The following DTNB variants were observed in gnomAD, a reference collection of about 807,000 sequenced individuals.
DTNB encodes dystrobrevin beta.
A neutral mutation model predicts 90.7 loss-of-function variants in DTNB; 63 were observed. That is an observed-to-expected ratio of 0.69 (90% CI 0.57 to 0.86). DTNB has a LOEUF of 0.86. DTNB is among the 40% of genes least tolerant of loss of function. DTNB has a pLI of 0.00. For synonymous variants in DTNB, 277 were observed against 286.7 expected (o/e 0.97, Z 0.34); for missense variants, 744 against 807.1 (o/e 0.92, Z 0.95).
At chr2:25,506,217 A>G (rs190163776) in intron 9 of DTNB, among the ~76,000 whole-genome samples, 1 of 152,326 alleles carries the variant, frequency 6.6e-6, no homozygotes, top group African/African-American at 2.4e-5. Flanking sequence ...ACAAGTTCCA[A>G]TGTTCAACAG....
intron 10 of DTNB, among the ~76,000 whole-genome samples, chr2:25,472,942 C>T (rs980879239): frequency 2.0e-5 from 3 of 152,154 alleles, no homozygotes; most frequent in Non-Finnish European, 4.4e-5. Context: ...CTCAAGTACT[C>T]GACAGACACA....
intron 12 of DTNB, among the ~76,000 whole-genome samples, chr2:25,437,844 T>C (rs1490211081): frequency 6.6e-6 from 1 of 152,186 alleles, no homozygotes; most frequent in Non-Finnish European, 1.5e-5. Flanking sequence ...CAGTTAGGGA[T>C]GTTCTGGTGA....
intron 9 of DTNB, among the ~76,000 whole-genome samples, chr2:25,490,450 T>C (rs2067159048): frequency 6.6e-6 from 1 of 152,160 alleles, no homozygotes; most frequent in Non-Finnish European, 1.5e-5. Flanking sequence ...TGGCAATATG[T>C]CCATCAAAGA....
chr2:25,646,916 G>A (rs1460940747), intron 2 of DTNB, among the ~76,000 whole-genome samples: 2 of 152,100 alleles, frequency 1.3e-5, no homozygotes, highest in African/African-American at 4.8e-5. Flanking sequence ...TTTGTCAACA[G>A]AAAATATGAA....
intron 10 of DTNB, among the ~76,000 whole-genome samples, chr2:25,468,796 G>C (rs34466502): frequency 0.38 from 57,793 of 151,984 alleles, 11,545 homozygotes; most frequent in Middle Eastern, 0.46. Flanking sequence ...TTAGAAAACA[G>C]ATATAAACTC....
At chr2:25,535,485 T>C (rs2079350219) in intron 8 of DTNB, among the ~76,000 whole-genome samples, 1 of 127,334 alleles carries the variant, frequency 7.9e-6, no homozygotes, top group Non-Finnish European at 1.6e-5. Flanking sequence ...CCCCACTTCC[T>C]CCCAGACAGG....
At chr2:25,394,910 T>C (rs1442465372) in intron 16 of DTNB, among the ~76,000 whole-genome samples, 1 of 152,188 alleles carries the variant, frequency 6.6e-6, no homozygotes, top group African/African-American at 2.4e-5. Flanking sequence ...TAAGTCATTA[T>C]ACAAAAAAGA....
intron 8 of DTNB, among the ~76,000 whole-genome samples, chr2:25,547,934 C>T (rs781059548): frequency 2.6e-5 from 4 of 151,988 alleles, no homozygotes; most frequent in African/African-American, 4.8e-5. Context: ...TTAGGTCTTC[C>T]GATTTATCAG....
intron 2 of DTNB, among the ~76,000 whole-genome samples, chr2:25,649,466 G>T (rs928549113): frequency 1.3e-5 from 2 of 152,180 alleles, no homozygotes; most frequent in African/African-American, 4.8e-5. Flanking sequence ...TGTAATCCCA[G>T]CGTTTTGGGA....
Position 25,517,104 on chromosome 2 carries a change from G to A in DTNB, c.1001+14369C>T, listed in dbSNP as rs188079663. Among the ~76,000 whole-genome samples, 236 of 152,188 alleles carry A rather than the reference G, an allele frequency of 1.6e-3. 1 individual carries two copies. Among genetic ancestry groups the A allele is most frequent in the African/African-American group, 5.4e-3 (223 of 41,508 alleles). On this transcript the variant is annotated intron_variant, in intron 9 of 20. Coordinates refer to ENST00000406818, the MANE Select transcript of DTNB (RefSeq NM_021907.5). ...CAAAATGTGATCTATTCATGCAAAGGATATTTTCAACATTAAAAAGAATGA... is the reference window on the plus strand; with the variant it reads ...CAAAATGTGATCTATTCATGCAAAGAATATTTTCAACATTAAAAAGAATGA...
intron 6 of DTNB, among the ~76,000 whole-genome samples, chr2:25,583,668 TGCGCCACCACGCCCA>T (rs1444069588): frequency 6.6e-6 from 1 of 152,020 alleles, no homozygotes; most frequent in Non-Finnish European, 1.5e-5. Flanking sequence ...ATTACAGGCA[TGCGCCACCACGCCCA>T]GCTAATTTTT....
intron 3 of DTNB, among the ~76,000 whole-genome samples, chr2:25,630,654 G>A (rs1027275588): frequency 6.6e-6 from 1 of 152,056 alleles, no homozygotes; most frequent in African/African-American, 2.4e-5. Context: ...AGACCAGCCT[G>A]GCCAACATGG....
chr2:25,528,451 T>C (rs1243537265), intron 9 of DTNB, among the ~76,000 whole-genome samples: 1 of 152,148 alleles, frequency 6.6e-6, no homozygotes, highest in Non-Finnish European at 1.5e-5. Flanking sequence ...ATGATTAATT[T>C]TCAAAAGTAT....
intron 8 of DTNB, among the ~76,000 whole-genome samples, chr2:25,537,866 G>C (rs1029897621): frequency 6.6e-6 from 1 of 152,174 alleles, no homozygotes; most frequent in Admixed American, 6.5e-5. Context: ...GGGACCCAGA[G>C]TCTCCTTCAC....
intron 9 of DTNB, among the ~76,000 whole-genome samples, chr2:25,502,321 C>G (rs77380800): frequency 1.3e-5 from 2 of 152,098 alleles, no homozygotes; most frequent in East Asian, 3.9e-4. Context: ...AATAGAGGAG[C>G]GATACCTTCA....
chr2:25,605,268 T>C (rs575006183), intron 5 of DTNB, among the ~76,000 whole-genome samples: 16 of 152,362 alleles, frequency 1.1e-4, no homozygotes, highest in African/African-American at 3.1e-4. Flanking sequence ...AACACAGTGA[T>C]TGGTAACCCA....
At chr2:25,599,440 C>T (rs996847979) in intron 5 of DTNB, among the ~76,000 whole-genome samples, 75 of 151,792 alleles carry the variant, frequency 4.9e-4, no homozygotes, top group African/African-American at 1.7e-3. Flanking sequence ...CTCCTGGGTT[C>T]ACACCATTCT....
intron 6 of DTNB, among the ~76,000 whole-genome samples, chr2:25,589,849 C>T (rs1241659195): frequency 6.6e-6 from 1 of 152,230 alleles, no homozygotes; most frequent in East Asian, 1.9e-4. Flanking sequence ...TCCACCCACT[C>T]GGCCTGGCAG....
intron 4 of DTNB, among the ~76,000 whole-genome samples, chr2:25,610,400 G>C (rs1463161273): frequency 6.6e-6 from 1 of 151,798 alleles, no homozygotes; most frequent in African/African-American, 2.4e-5. Flanking sequence ...ATATGTGCCA[G>C]GAAAAAGTAA....
Sources: allele counts gnomAD v4.1 joint callset (sites outside exome capture counted in the v4.1 genomes callset), GRCh38; gene constraint gnomAD v4.1.1; transcripts MANE v1.5; gene names NCBI Gene and HGNC (gene_info 2026-07-23, HGNC 2026-07-21).